The following KCTD1 variants were observed in gnomAD, a reference collection of about 807,000 sequenced individuals.
The protein encoded by KCTD1 is potassium channel tetramerization domain containing 1.
KCTD1 carries 24 observed loss-of-function variants against 66.0 expected under a neutral mutation model. The ratio of observed to expected loss-of-function variants is 0.36; its 90% confidence interval spans 0.26 to 0.51. The LOEUF (loss-of-function observed/expected upper bound fraction) is 0.51, where lower values mean the gene tolerates loss of function less well. Ranked by LOEUF, KCTD1 falls within the 20% of genes least tolerant of loss-of-function variation. The probability of loss-of-function intolerance (pLI) is 0.95; values close to 1 mark genes in which losing one functional copy is unlikely to be tolerated. For missense variants in KCTD1, 943 were observed against 1,205.2 expected, an observed-to-expected ratio of 0.78 and a Z score of 3.22; for synonymous variants, 511 against 517.2, an observed-to-expected ratio of 0.99 and a Z score of 0.16.
At chr18:26,614,526 C>T (rs1439114676) in intron 1 of KCTD1, among the ~76,000 whole-genome samples, 1 of 152,176 alleles carries the variant, frequency 6.6e-6, no homozygotes, top group Non-Finnish European at 1.5e-5. Flanking sequence ...ATCGTTCAGC[C>T]TCACAACACA....
chr18:26,557,952 T>A (rs889513414), intron 1 of KCTD1, among the ~76,000 whole-genome samples: 2 of 152,212 alleles, frequency 1.3e-5, no homozygotes, highest in African/African-American at 4.8e-5. Context: ...AAACTCCCCA[T>A]AGTCTTGCCA....
At chr18:26,500,699 T>A (rs1217650906) in intron 2 of KCTD1, among the ~76,000 whole-genome samples, 1 of 152,152 alleles carries the variant, frequency 6.6e-6, no homozygotes, top group Non-Finnish European at 1.5e-5. Context: ...CCAACTGATC[T>A]CCTATAAAAT....
chr18:26,481,983 A>G (rs941514178), intron 2 of KCTD1, among the ~76,000 whole-genome samples: 8 of 152,240 alleles, frequency 5.3e-5, no homozygotes, highest in Admixed American at 2.0e-4. Context: ...GAAGTGTCAG[A>G]GCATACTTTC....
upstream of KCTD1, among the ~76,000 whole-genome samples, chr18:26,550,764 G>A (rs547069873): frequency 3.3e-5 from 5 of 152,364 alleles, no homozygotes; most frequent in South Asian, 8.3e-4. This position sits in a 1 kb window ranked among gnomAD's most constrained non-coding sequence, Gnocchi z 5.4. Context: ...GCTGCGGTGA[G>A]CAGCTAAGTT....
At chr18:26,642,597 A>C (rs541624866), upstream of KCTD1, among the ~76,000 whole-genome samples, 192 of 152,304 alleles carry the variant, frequency 1.3e-3, 2 homozygotes, top group South Asian at 0.015. Context: ...TATTTCCCTA[A>C]GTCATTCAAA....
At chr18:26,616,844 GACTT>G (rs1987266563) in intron 1 of KCTD1, among the ~76,000 whole-genome samples, 1 of 152,246 alleles carries the variant, frequency 6.6e-6, no homozygotes, top group African/African-American at 2.4e-5. Context: ...ATGCAATCTA[GACTT>G]ACTTTGCTAA....
intron 1 of KCTD1, among the ~76,000 whole-genome samples, chr18:26,562,343 T>C (rs1251599722): frequency 6.7e-6 from 1 of 148,922 alleles, no homozygotes; most frequent in Non-Finnish European, 1.5e-5. Flanking sequence ...GTGACTTTCC[T>C]ACCTCAGTCT....
chr18:26,512,447 TA>T (rs34953401), intron 1 of KCTD1, among the ~76,000 whole-genome samples: 13,376 of 146,548 alleles, frequency 0.091, 611 homozygotes, highest in Middle Eastern at 0.18. Context: ...GTTTTTGCAT[TA>T]AAAAAAAAAA....
chr18:26,602,487 TTTTTTGAAAGTATTTAATTA>T (rs1419056012), intron 1 of KCTD1, among the ~76,000 whole-genome samples: 1 of 152,256 alleles, frequency 6.6e-6, no homozygotes, highest in Non-Finnish European at 1.5e-5. Context: ...TCCTCTTTCA[TTTTTTGAAAGTATTTAATTA>T]TTTATGCTTA....
At chr18:26,473,747 G>T (rs543708772) in intron 3 of KCTD1, among the ~76,000 whole-genome samples, 2 of 152,160 alleles carry the variant, frequency 1.3e-5, no homozygotes, top group Non-Finnish European at 2.9e-5. Flanking sequence ...TGAGATGCAC[G>T]CCATTGAGGG....
chr18:26,461,841 C>T (rs201725787), intron 3 of KCTD1, among the ~76,000 whole-genome samples: 1 of 152,108 alleles, frequency 6.6e-6, no homozygotes, highest in South Asian at 2.1e-4. Context: ...ATCGGCTGGG[C>T]GTGGTGGTTC....
intron 1 of KCTD1, among the ~76,000 whole-genome samples, chr18:26,618,954 C>A (rs1987315395): frequency 1.3e-5 from 2 of 152,206 alleles, no homozygotes; most frequent in Non-Finnish European, 2.9e-5. Context: ...CCAGGGAAAG[C>A]CAATGTCCAT....
intron 1 of KCTD1, among the ~76,000 whole-genome samples, chr18:26,524,291 C>T (rs1984053986): frequency 2.0e-5 from 3 of 152,264 alleles, no homozygotes; most frequent in East Asian, 1.9e-4. Context: ...TGCAAGACAG[C>T]GCTCACAGGC....
chr18:26,643,322 C>T (rs1048038408), upstream of KCTD1, among the ~76,000 whole-genome samples: 3 of 152,094 alleles, frequency 2.0e-5, no homozygotes, highest in Non-Finnish European at 4.4e-5. Context: ...CCCCAAAGTC[C>T]CTATCTCTAA....
At chr18:26,617,423 G>A (rs181123982) in intron 1 of KCTD1, among the ~76,000 whole-genome samples, 159 of 152,324 alleles carry the variant, frequency 1.0e-3, no homozygotes, top group Middle Eastern at 6.8e-3. Context: ...TGTTTGAGGA[G>A]CAAAGGCTCT....
At chr18:26,651,733 G>A (rs11664240) in intron 1 of KCTD1, among the ~76,000 whole-genome samples, 5,194 of 146,096 alleles carry the variant, frequency 0.036, 131 homozygotes, top group Middle Eastern at 0.078. Context: ...GCAGTGAGCC[G>A]AGATCGAGCC....
At chr18:26,622,516 C>G (rs1987408653) in intron 1 of KCTD1, among the ~76,000 whole-genome samples, 1 of 152,166 alleles carries the variant, frequency 6.6e-6, no homozygotes, top group Non-Finnish European at 1.5e-5. Flanking sequence ...CAGCCATTGT[C>G]TCTGTTTCCT....
chr18:26,466,945 G>A (rs1980765581), intron 3 of KCTD1, among the ~76,000 whole-genome samples: 2 of 152,134 alleles, frequency 1.3e-5, no homozygotes, highest in South Asian at 4.1e-4. Flanking sequence ...CCAGTCTCCA[G>A]CAAGTTGTAA....
intron 1 of KCTD1, among the ~76,000 whole-genome samples, chr18:26,570,346 C>T (rs1986079409): frequency 6.6e-6 from 1 of 152,060 alleles, no homozygotes; most frequent in Non-Finnish European, 1.5e-5. Flanking sequence ...TCCAGCCATA[C>T]TCTGAGTGTA....
Sources: allele counts gnomAD v4.1 joint callset (sites outside exome capture counted in the v4.1 genomes callset), GRCh38; gene constraint gnomAD v4.1.1; non-coding constraint Gnocchi (gnomAD v3.1); transcripts MANE v1.5; gene names NCBI Gene and HGNC (gene_info 2026-07-23, HGNC 2026-07-21).